SMCO4: variants seen among roughly 807,000 people sequenced by gnomAD.
The protein encoded by SMCO4 is single-pass membrane and coiled-coil domain-containing protein 4.
Under a neutral mutation model 3.6 loss-of-function variants are expected in SMCO4, and 4 were observed. That is an observed-to-expected ratio of 1.11 (90% CI 0.54 to 2.53). SMCO4 has a LOEUF of 2.53. SMCO4 is among the 30% of genes most tolerant of loss of function. The pLI is 0.02. For synonymous variants in SMCO4, 36 were observed against 35.3 expected (o/e 1.02, Z -0.07); for missense variants, 70 against 80.8 (o/e 0.87, Z 0.51).
intron 1 of SMCO4, among the ~76,000 whole-genome samples, chr11:93,501,402 C>T (rs768102850): frequency 4.6e-5 from 7 of 152,332 alleles, no homozygotes; most frequent in African/African-American, 2.4e-5. Flanking sequence ...CTGAAATAAA[C>T]AGGCAATGCC....
intron 1 of SMCO4, among the ~76,000 whole-genome samples, chr11:93,539,210 C>G (rs1047270114): frequency 1.3e-5 from 2 of 152,014 alleles, no homozygotes; most frequent in Non-Finnish European, 2.9e-5. Context: ...AGGGTCCTCT[C>G]TCTTTCCCAT....
At chr11:93,479,925 G>A (rs145313633) in intron 2 of SMCO4, among the ~76,000 whole-genome samples, 20 of 152,192 alleles carry the variant, frequency 1.3e-4, no homozygotes, top group African/African-American at 3.9e-4. Context: ...ATGGAGACCC[G>A]GGTCACAGTA....
the SMCO4 span, among the ~76,000 whole-genome samples, chr11:93,552,441 C>CATT: frequency 3.7e-5 from 3 of 80,882 alleles, no homozygotes; most frequent in African/African-American, 1.2e-4. Context: ...TGCCCAGCCA[C>CATT]GTTATTATTA....
intron 1 of SMCO4, among the ~76,000 whole-genome samples, chr11:93,533,613 T>C (rs899125593): frequency 2.0e-5 from 3 of 152,074 alleles, no homozygotes; most frequent in African/African-American, 7.2e-5. Context: ...ACCCTCAGTC[T>C]ATCTAAAAAA....
At position 93,487,555 on chromosome 11, in the gene SMCO4, C is replaced by A. The variant is rs2605602; in HGVS notation, c.-80-8286G>T. Among the ~76,000 whole-genome samples the A allele has an allele frequency of 4.6e-5, 7 of 152,166 alleles. No homozygotes were observed. In the East Asian group the frequency reaches 9.7e-4, roughly 21 times the overall value. ...TTATTTGGCAGCAGTGGCAGCAGCA[C>A]TGACTACTCCCAAATAAAAATCCAG... is the stretch of plus-strand genomic sequence containing the variant. On this transcript the variant is annotated intron_variant, in intron 2 of 2. Transcript: ENST00000298966.
chr11:93,541,207 C>T (rs1160938030), intron 1 of SMCO4, among the ~76,000 whole-genome samples: 2 of 152,192 alleles, frequency 1.3e-5, no homozygotes, highest in South Asian at 2.1e-4. Context: ...AATGTCAAGG[C>T]CAGCTTATGA....
intron 1 of SMCO4, among the ~76,000 whole-genome samples, chr11:93,505,894 TGAA>T (rs1354984404): frequency 1.3e-5 from 2 of 151,216 alleles, no homozygotes; most frequent in East Asian, 3.9e-4. Context: ...ATGATGATGA[TGAA>T]AATAGCTAAC....
At chr11:93,529,939 C>T (rs1004256825) in intron 1 of SMCO4, among the ~76,000 whole-genome samples, 2 of 152,238 alleles carry the variant, frequency 1.3e-5, no homozygotes, top group African/African-American at 4.8e-5. Flanking sequence ...CCTGGGCCCA[C>T]GTACCAAGAC....
At chr11:93,497,531 C>G (rs748666809) in intron 2 of SMCO4, among the ~76,000 whole-genome samples, 1 of 152,200 alleles carries the variant, frequency 6.6e-6, no homozygotes, top group South Asian at 2.1e-4. Flanking sequence ...GAGGGAGCAC[C>G]AGGGTCAGAC....
intron 1 of SMCO4, among the ~76,000 whole-genome samples, chr11:93,526,882 A>G (rs978331541): frequency 6.6e-6 from 1 of 152,180 alleles, no homozygotes; most frequent in East Asian, 1.9e-4. Context: ...TCCCAAGTTC[A>G]ATGTGTGTTC....
intron 1 of SMCO4, among the ~76,000 whole-genome samples, chr11:93,530,240 GT>G (rs1429184121): frequency 6.6e-6 from 1 of 152,166 alleles, no homozygotes; most frequent in African/African-American, 2.4e-5. Flanking sequence ...GAGCCCACCA[GT>G]TCACACGTGT....
intron 1 of SMCO4, among the ~76,000 whole-genome samples, chr11:93,529,442 G>A (rs969411698): frequency 5.9e-5 from 9 of 152,078 alleles, no homozygotes; most frequent in South Asian, 2.1e-4. Flanking sequence ...CTTCTAAAGC[G>A]ATGCTCCCCA....
chr11:93,549,047 T>C, the SMCO4 span, among the ~76,000 whole-genome samples: 1 of 152,222 alleles, frequency 6.6e-6, no homozygotes, highest in Non-Finnish European at 1.5e-5. Flanking sequence ...GTTTTTCCGT[T>C]TGATTTGCTT....
chr11:93,551,138 G>A, the SMCO4 span, among the ~76,000 whole-genome samples: 1 of 151,128 alleles, frequency 6.6e-6, no homozygotes, highest in Admixed American at 6.6e-5. Flanking sequence ...CTTCCCTAGA[G>A]AAACTCACAG....
At chr11:93,525,733 A>G (rs1245948509) in intron 1 of SMCO4, among the ~76,000 whole-genome samples, 3 of 152,208 alleles carry the variant, frequency 2.0e-5, no homozygotes, top group African/African-American at 7.2e-5. Flanking sequence ...GTCATACTCA[A>G]TTCAAAATAG....
chr11:93,482,925 G>A (rs1010819128), intron 2 of SMCO4, among the ~76,000 whole-genome samples: 4 of 152,156 alleles, frequency 2.6e-5, no homozygotes, highest in South Asian at 2.1e-4. Context: ...TAAATAATAA[G>A]CGAAACTAGA....
At chr11:93,531,930 T>A (rs950235742) in intron 1 of SMCO4, among the ~76,000 whole-genome samples, 1 of 152,192 alleles carries the variant, frequency 6.6e-6, no homozygotes, top group South Asian at 2.1e-4. Flanking sequence ...TATCTACCTA[T>A]AAGCTGGAAG....
chr11:93,553,937 C>T, the SMCO4 span, among the ~76,000 whole-genome samples: 18 of 152,160 alleles, frequency 1.2e-4, no homozygotes, highest in African/African-American at 4.3e-4. Flanking sequence ...TCTTGGTTCC[C>T]AGCATTGCAA....
chr11:93,544,342 A>G (rs987394406), upstream of SMCO4, among the ~76,000 whole-genome samples: 3 of 152,168 alleles, frequency 2.0e-5, no homozygotes, highest in African/African-American at 7.2e-5. Context: ...TAAAACCTTT[A>G]TATGTGTGGT....
Sources: allele counts gnomAD v4.1 joint callset (sites outside exome capture counted in the v4.1 genomes callset), GRCh38; gene constraint gnomAD v4.1.1; transcripts MANE v1.5; gene names NCBI Gene and HGNC (gene_info 2026-07-23, HGNC 2026-07-21).